PARD3B: variants seen among roughly 807,000 people sequenced by gnomAD.
The protein encoded by PARD3B is partitioning defective 3 homolog B.
Under a neutral mutation model 130.2 loss-of-function variants are expected in PARD3B, and 103 were observed. The observed-to-expected ratio is 0.79, with a 90% CI of 0.67 to 0.93. The LOEUF (loss-of-function observed/expected upper bound fraction) is 0.93, where lower values mean the gene tolerates loss of function less well. Among genes scored for constraint, PARD3B ranks in the 40% least tolerant of loss-of-function variants. The pLI is 0.00. For synonymous variants in PARD3B, 583 were observed against 553.2 expected (o/e 1.05, Z -0.76); for missense variants, 1,609 against 1,499.2 (o/e 1.07, Z -1.21).
intron 18 of PARD3B, among the ~76,000 whole-genome samples, chr2:205,347,235 G>T (rs999725300): frequency 6.6e-6 from 1 of 152,038 alleles, no homozygotes; most frequent in South Asian, 2.1e-4. Context: ...GTCTATGGCC[G>T]ACCTCTGTAG....
At chr2:205,196,078 A>C (rs188409646) in intron 15 of PARD3B, among the ~76,000 whole-genome samples, 1 of 152,264 alleles carries the variant, frequency 6.6e-6, no homozygotes, top group East Asian at 1.9e-4. Context: ...AAAGACAGAC[A>C]ATTCCAATTA....
chr2:205,231,328 TA>T (rs2038822678), intron 15 of PARD3B, among the ~76,000 whole-genome samples: 1 of 146,728 alleles, frequency 6.8e-6, no homozygotes, highest in African/African-American at 2.6e-5. Context: ...GTAGATTAAC[TA>T]TTTTTTTTTT....
At position 204,572,015 on chromosome 2, in the gene PARD3B, A is replaced by G. The variant is rs191188797; in HGVS notation, c.120+25896A>G. Among the ~76,000 whole-genome samples the G allele has an allele frequency of 2.5e-3, 387 of 152,292 alleles. 8 individuals carry two copies. Among genetic ancestry groups the G allele is most frequent in the Admixed American group, 0.024 (364 of 15,284 alleles). On this transcript the variant is annotated intron_variant, in intron 1 of 22. Coordinates refer to ENST00000406610, the MANE Select transcript of PARD3B (RefSeq NM_001302769.2). ...CTTTTTTTCTCTATACTGAAAGGAAATATCATTTTCTCCCCAAGATCAGTC... is the reference window on the plus strand; with the variant it reads ...CTTTTTTTCTCTATACTGAAAGGAAGTATCATTTTCTCCCCAAGATCAGTC...
In PARD3B at chr2:205,065,531, G is replaced by A. The variant is rs531367450; in HGVS notation, c.504+17841G>A. Among the ~76,000 whole-genome samples, 68 of 152,220 alleles carry A rather than the reference G, an allele frequency of 4.5e-4. 1 individual carries two copies. Among genetic ancestry groups the A allele is most frequent in the South Asian group, 3.7e-3 (18 of 4,818 alleles). ...GTTTGTTACCATCAAAAGTCATGTT[G>A]AAATTTGGTCCCCAGTGTAGCCGTG... On this transcript the variant is annotated intron_variant, in intron 4 of 22. Transcript: ENST00000406610.
At chr2:205,103,647 T>G in intron 4 of PARD3B, 1 of 919,424 alleles carries the variant, frequency 1.1e-6, no homozygotes, top group Non-Finnish European at 1.3e-6. Context: ...ACTCCACTTA[T>G]GAAGAGACAG....
chr2:204,669,915 T>G lies in PARD3B; in HGVS notation c.121-16266T>G, dbSNP rs1410285000. Among the ~76,000 whole-genome samples the G allele has an allele frequency of 1.3e-5, 2 of 152,144 alleles. No individual in the cohort carries two copies. The highest frequency in any genetic ancestry group is 2.9e-5 in the Non-Finnish European group (2 of 68,006). On this transcript the variant is annotated intron_variant, in intron 1 of 22. Coordinates refer to ENST00000406610, the MANE Select transcript of PARD3B (RefSeq NM_001302769.2). The surrounding 1 kb of genome is among the most constrained non-coding windows in gnomAD (Gnocchi z 4.3). ...TAACCACTAAAGGGAATAAAAATATTTGAATAACTCTATTAATGGAAAGGA... is the reference window on the plus strand; with the variant it reads ...TAACCACTAAAGGGAATAAAAATATGTGAATAACTCTATTAATGGAAAGGA...
chr2:205,466,612 TAA>T (rs1272180724), intron 20 of PARD3B, among the ~76,000 whole-genome samples: 1 of 152,236 alleles, frequency 6.6e-6, no homozygotes, highest in Non-Finnish European at 1.5e-5. Flanking sequence ...CCCATTCACT[TAA>T]GAGTTTCAAT....
chr2:204,822,642 C>T (rs914068684), intron 2 of PARD3B, among the ~76,000 whole-genome samples: 2 of 152,004 alleles, frequency 1.3e-5, no homozygotes, highest in African/African-American at 2.4e-5. Context: ...GCCACACCAC[C>T]CATCTTTCCC....
In PARD3B at chr2:205,187,686, C is replaced by T. The variant is rs563468967; in HGVS notation, c.2024+1823C>T. 6.6e-6 allele frequency among the ~76,000 whole-genome samples: 1 copy of T among 152,280 alleles called. No individual in the cohort carries two copies. Among genetic ancestry groups the T allele is most frequent in the African/African-American group, 2.4e-5 (1 of 41,560 alleles). ...CCTTCCCTTTTCTGCAAAGCCATTC[C>T]TTTGTGAATTGGGGAGAGAAAAAAG... On this transcript the variant is annotated intron_variant, in intron 14 of 22. Coordinates refer to ENST00000406610, the MANE Select transcript of PARD3B (RefSeq NM_001302769.2). The surrounding 1 kb of genome is among the most constrained non-coding windows in gnomAD (Gnocchi z 4.9).
intron 3 of PARD3B, among the ~76,000 whole-genome samples, chr2:205,024,214 C>A (rs1696850648): frequency 7.5e-6 from 1 of 133,044 alleles, no homozygotes; most frequent in African/African-American, 2.9e-5. Context: ...GTCGCCCAGG[C>A]TGGAGTGCAG....
At chr2:205,106,481 ATGTGTGTGTG>A (rs202186761) in intron 5 of PARD3B, among the ~76,000 whole-genome samples, 12,709 of 146,924 alleles carry the variant, frequency 0.087, 712 homozygotes, top group African/African-American at 0.16. Flanking sequence ...TAAGAAATGT[ATGTGTGTGTG>A]TGTGTGTGTG....
At chr2:204,562,232 T>TA (rs1399275059) in intron 1 of PARD3B, among the ~76,000 whole-genome samples, 1 of 152,078 alleles carries the variant, frequency 6.6e-6, no homozygotes, top group Non-Finnish European at 1.5e-5. Flanking sequence ...GGGCCCATAG[T>TA]AAAAAAACCA....
intron 2 of PARD3B, among the ~76,000 whole-genome samples, chr2:204,848,030 G>T (rs1224294968): frequency 1.3e-5 from 2 of 152,100 alleles, no homozygotes; most frequent in African/African-American, 2.4e-5. Flanking sequence ...TCACAAAAAT[G>T]AAGAGTCCAG....
intron 21 of PARD3B, among the ~76,000 whole-genome samples, chr2:205,500,478 A>G (rs1171054113): frequency 6.6e-6 from 1 of 152,144 alleles, no homozygotes; most frequent in African/African-American, 2.4e-5. Context: ...TCTTACCGGC[A>G]TACTAGGATG....
At chr2:204,931,916 G>A (rs892973781) in intron 2 of PARD3B, among the ~76,000 whole-genome samples, 3 of 151,968 alleles carry the variant, frequency 2.0e-5, no homozygotes, top group Non-Finnish European at 4.4e-5. Context: ...TCATTGCTTT[G>A]TTTTTTAAAG....
At chr2:205,013,577 C>G (rs1270585526) in intron 3 of PARD3B, among the ~76,000 whole-genome samples, 3 of 152,110 alleles carry the variant, frequency 2.0e-5, no homozygotes, top group Non-Finnish European at 2.9e-5. Flanking sequence ...CAGCAGTGTC[C>G]TTGGCCTCTG....
At chr2:205,061,385 C>T (rs1426811466) in intron 4 of PARD3B, among the ~76,000 whole-genome samples, 1 of 152,102 alleles carries the variant, frequency 6.6e-6, no homozygotes, top group Non-Finnish European at 1.5e-5. Context: ...GACTGATTTG[C>T]TGGTCAATTT....
chr2:205,476,455 C>T (rs1480484181), intron 20 of PARD3B, among the ~76,000 whole-genome samples: 1 of 152,068 alleles, frequency 6.6e-6, no homozygotes, highest in African/African-American at 2.4e-5. Flanking sequence ...TCTGAGTAGC[C>T]TGTTACTCTT....
chr2:204,553,689 T>C (rs1234459502), intron 1 of PARD3B, among the ~76,000 whole-genome samples: 1 of 113,310 alleles, frequency 8.8e-6, no homozygotes, highest in African/African-American at 4.5e-5. Flanking sequence ...TATATATATA[T>C]ATATATACAC....
Sources: allele counts gnomAD v4.1 joint callset (sites outside exome capture counted in the v4.1 genomes callset), GRCh38; gene constraint gnomAD v4.1.1; non-coding constraint Gnocchi (gnomAD v3.1); transcripts MANE v1.5; gene names NCBI Gene and HGNC (gene_info 2026-07-23, HGNC 2026-07-21).